PPP2R2B: variants seen among roughly 807,000 people sequenced by gnomAD.
PPP2R2B encodes the protein protein phosphatase 2 regulatory subunit Bbeta.
Under a neutral mutation model 46.0 loss-of-function variants are expected in PPP2R2B, and 5 were observed. The ratio of observed to expected loss-of-function variants is 0.11; its 90% CI spans 0.06 to 0.23. PPP2R2B has a LOEUF of 0.23. PPP2R2B is among the 10% of genes least tolerant of loss of function. The pLI is 1.00. For missense variants in PPP2R2B, 367 were observed against 575.0 expected (o/e 0.64, Z 3.70); for synonymous variants, 215 against 206.7 (o/e 1.04, Z -0.34).
intron 2 of PPP2R2B, among the ~76,000 whole-genome samples, chr5:146,720,314 A>G (rs1217801422): frequency 1.3e-5 from 2 of 152,240 alleles, no homozygotes; most frequent in Admixed American, 6.5e-5. Context: ...TGGCCTAACC[A>G]GTAAGCTGAG....
chr5:146,909,047 A>C (rs767137836), intron 1 of PPP2R2B, among the ~76,000 whole-genome samples: 22 of 152,344 alleles, frequency 1.4e-4, no homozygotes, highest in Middle Eastern at 3.4e-3. Flanking sequence ...CAGATGGTCC[A>C]TGGAGAAGTA....
intron 2 of PPP2R2B, among the ~76,000 whole-genome samples, chr5:146,760,527 G>A (rs1754096663): frequency 6.6e-6 from 1 of 152,144 alleles, no homozygotes; most frequent in Admixed American, 6.6e-5. Context: ...AAGATGTGAG[G>A]TGATAAGACT....
intron 2 of PPP2R2B, chr5:146,707,105 C>T (rs1779911645): frequency 1.9e-6 from 3 of 1,577,920 alleles, no homozygotes; most frequent in East Asian, 2.2e-5. Context: ...TCCACCAGCC[C>T]CTGCGTGTTG....
intron 2 of PPP2R2B, among the ~76,000 whole-genome samples, chr5:146,857,441 A>T (rs1180326935): frequency 6.6e-6 from 1 of 152,222 alleles, no homozygotes; most frequent in Middle Eastern, 3.2e-3. Context: ...TAAATTTATT[A>T]TCCTTAAATA....
Position 146,753,482 on chromosome 5 carries a change from A to C in PPP2R2B, c.71-52340T>G, listed in dbSNP as rs187315258. On this transcript the variant is annotated intron_variant, in intron 2 of 9. Coordinates refer to ENST00000394411, the MANE Select transcript of PPP2R2B (RefSeq NM_181675.4). ...CCAAACATTTTCACCAAAGATGGACACAGTAAATAAGTAGAAATGAACTAG... is the reference window on the plus strand; with the variant it reads ...CCAAACATTTTCACCAAAGATGGACCCAGTAAATAAGTAGAAATGAACTAG... Among the ~76,000 whole-genome samples, 8 of 152,296 alleles carry C rather than the reference A, an allele frequency of 5.3e-5. No individual in the cohort carries two copies. The East Asian group carries it at 1.5e-3, about 29-fold the overall frequency.
chr5:146,774,005 T>C (rs1361330011), intron 2 of PPP2R2B, among the ~76,000 whole-genome samples: 2 of 152,200 alleles, frequency 1.3e-5, no homozygotes, highest in Non-Finnish European at 2.9e-5. Context: ...TAAAATATCT[T>C]AGTATCCATA....
At chr5:147,003,242 A>G (rs995231614) in intron 1 of PPP2R2B, among the ~76,000 whole-genome samples, 2 of 151,970 alleles carry the variant, frequency 1.3e-5, no homozygotes, top group Non-Finnish European at 2.9e-5. Context: ...CTTCCTATTA[A>G]TGATAAGCCT....
At chr5:147,025,744 A>G (rs556697526) in intron 1 of PPP2R2B, among the ~76,000 whole-genome samples, 14 of 152,258 alleles carry the variant, frequency 9.2e-5, no homozygotes, top group African/African-American at 3.1e-4. Context: ...AAACAATCCA[A>G]TTGAAAGATG....
intron 2 of PPP2R2B, among the ~76,000 whole-genome samples, chr5:146,726,305 C>G (rs1751865010): frequency 6.6e-6 from 1 of 152,102 alleles, no homozygotes. Flanking sequence ...AGCATCTATG[C>G]CAAACTAGAT....
chr5:146,802,689 G>C (rs1371306719), intron 2 of PPP2R2B, among the ~76,000 whole-genome samples: 1 of 152,170 alleles, frequency 6.6e-6, no homozygotes, highest in African/African-American at 2.4e-5. Context: ...GTAGGGTTTT[G>C]TCAGCAGGTT....
At chr5:146,657,169 CAT>C (rs1776385856) in intron 5 of PPP2R2B, among the ~76,000 whole-genome samples, 2 of 152,128 alleles carry the variant, frequency 1.3e-5, no homozygotes, top group African/African-American at 4.8e-5. Context: ...CTTTAAAAAA[CAT>C]ATGTGAAAAG....
chr5:146,751,668 G>A (rs1280981723), intron 2 of PPP2R2B: 1 of 152,004 alleles, frequency 6.6e-6, no homozygotes, highest in Non-Finnish European at 1.5e-5. Context: ...CATTCTAATG[G>A]AGGAGGAAGA....
chr5:146,715,812 C>A (rs966853929), intron 2 of PPP2R2B, among the ~76,000 whole-genome samples: 18 of 152,170 alleles, frequency 1.2e-4, no homozygotes, highest in South Asian at 2.1e-4. Context: ...TGTATACTAT[C>A]TCTTCTTTTT....
chr5:146,733,891 G>A (rs1752380979), intron 2 of PPP2R2B, among the ~76,000 whole-genome samples: 2 of 152,182 alleles, frequency 1.3e-5, no homozygotes, highest in Admixed American at 1.3e-4. Context: ...AGTAGTGGTG[G>A]TGGTAGTAAT....
intron 2 of PPP2R2B, among the ~76,000 whole-genome samples, chr5:147,061,350 G>A (rs1377847883): frequency 2.6e-5 from 4 of 152,086 alleles, no homozygotes; most frequent in Non-Finnish European, 4.4e-5. Context: ...TGACATTTGA[G>A]CTGAAAATGA....
intron 1 of PPP2R2B, among the ~76,000 whole-genome samples, chr5:146,942,802 G>GTT (rs879508942): frequency 2.8e-5 from 4 of 145,276 alleles, no homozygotes; most frequent in South Asian, 4.4e-4. Context: ...TGAATCCATA[G>GTT]TTTTTTTTTT....
intron 1 of PPP2R2B, among the ~76,000 whole-genome samples, chr5:146,950,064 G>T (rs1373007872): frequency 2.0e-5 from 3 of 151,860 alleles, no homozygotes; most frequent in Non-Finnish European, 4.4e-5. Context: ...ACAACAGAAT[G>T]ATTACTGTCA....
At chr5:146,613,788 T>C (rs1380475871) in intron 7 of PPP2R2B, among the ~76,000 whole-genome samples, 1 of 142,926 alleles carries the variant, frequency 7.0e-6, no homozygotes, top group East Asian at 2.2e-4. Context: ...GAATCCAACT[T>C]ACAAGGGATA....
intron 6 of PPP2R2B, among the ~76,000 whole-genome samples, chr5:146,638,798 C>T (rs1011478019): frequency 1.3e-5 from 2 of 152,146 alleles, no homozygotes; most frequent in Non-Finnish European, 2.9e-5. Flanking sequence ...CCTATTATAA[C>T]CAAATAATTC....
Sources: allele counts gnomAD v4.1 joint callset (sites outside exome capture counted in the v4.1 genomes callset), GRCh38; gene constraint gnomAD v4.1.1; transcripts MANE v1.5; gene names NCBI Gene and HGNC (gene_info 2026-07-23, HGNC 2026-07-21).